HEMK2: variants seen among roughly 807,000 people sequenced by gnomAD.
The protein encoded by HEMK2 is methyltransferase HEMK2.
the HEMK2 span, among the ~76,000 whole-genome samples, chr21:28,858,567 G>A: frequency 6.6e-6 from 1 of 151,942 alleles, no homozygotes; most frequent in African/African-American, 2.4e-5. Context: ...AGGAAAGGAG[G>A]AAGGGAGGGA....
At chr21:28,804,663 GT>G in the HEMK2 span, among the ~76,000 whole-genome samples, 1 of 152,214 alleles carries the variant, frequency 6.6e-6, no homozygotes, top group Non-Finnish European at 1.5e-5. Flanking sequence ...GATCTACCCT[GT>G]GGTAAAGAGA....
the HEMK2 span, among the ~76,000 whole-genome samples, chr21:28,838,236 C>G: frequency 6.6e-6 from 1 of 151,884 alleles, no homozygotes; most frequent in African/African-American, 2.4e-5. Context: ...AGGACATAAC[C>G]AAAAAAGAAA....
the HEMK2 span, among the ~76,000 whole-genome samples, chr21:28,735,609 T>G: frequency 6.6e-6 from 1 of 151,792 alleles, no homozygotes; most frequent in South Asian, 2.1e-4. Context: ...AGGGTCCCAG[T>G]AAATACAAAA....
the HEMK2 span, among the ~76,000 whole-genome samples, chr21:28,612,669 T>C: frequency 1.3e-5 from 2 of 152,120 alleles, no homozygotes; most frequent in Admixed American, 1.3e-4. Context: ...GATGACTGTT[T>C]ACCTACAAAC....
the HEMK2 span, among the ~76,000 whole-genome samples, chr21:28,681,076 A>G: frequency 2.0e-5 from 3 of 152,224 alleles, no homozygotes; most frequent in Non-Finnish European, 4.4e-5. Flanking sequence ...AGAAGGAAAT[A>G]AAGGGCATTC....
the HEMK2 span, among the ~76,000 whole-genome samples, chr21:28,848,326 A>G: frequency 6.6e-6 from 1 of 152,134 alleles, no homozygotes; most frequent in Non-Finnish European, 1.5e-5. Flanking sequence ...CTAACTGTAG[A>G]AAATTCTTAT....
At chr21:28,876,572 A>G in the HEMK2 span, 1 of 790,578 alleles carries the variant, frequency 1.3e-6, no homozygotes, top group Non-Finnish European at 2.0e-6. Flanking sequence ...TAAGTTAAAC[A>G]CAGATGATTT....
At chr21:28,766,524 A>C in the HEMK2 span, among the ~76,000 whole-genome samples, 1 of 152,084 alleles carries the variant, frequency 6.6e-6, no homozygotes, top group African/African-American at 2.4e-5. Flanking sequence ...AAGGAAAAGA[A>C]GACATTATAT....
chr21:28,798,648 G>A, the HEMK2 span, among the ~76,000 whole-genome samples: 3 of 152,096 alleles, frequency 2.0e-5, no homozygotes, highest in Non-Finnish European at 4.4e-5. Flanking sequence ...GCCTGGACAG[G>A]AAAAGAAATG....
At chr21:28,650,424 A>G in the HEMK2 span, among the ~76,000 whole-genome samples, 1 of 152,096 alleles carries the variant, frequency 6.6e-6, no homozygotes, top group African/African-American at 2.4e-5. Flanking sequence ...TCCGTTTAAT[A>G]TTGGAGGCAG....
chr21:28,863,410 T>TTATA, the HEMK2 span, among the ~76,000 whole-genome samples: 5 of 38,980 alleles, frequency 1.3e-4, no homozygotes, highest in Non-Finnish European at 2.1e-4. Flanking sequence ...AAACTCCCTT[T>TTATA]TATATATATA....
At chr21:28,811,413 G>C in the HEMK2 span, among the ~76,000 whole-genome samples, 1 of 134,012 alleles carries the variant, frequency 7.5e-6, no homozygotes, top group African/African-American at 2.7e-5. Flanking sequence ...AGGAAGGAAG[G>C]AAGGAAGGAA....
chr21:28,780,820 C>G, the HEMK2 span, among the ~76,000 whole-genome samples: 2 of 152,092 alleles, frequency 1.3e-5, no homozygotes, highest in African/African-American at 4.8e-5. Flanking sequence ...TTATTTCAAC[C>G]CCCCCTCCTG....
At chr21:28,774,147 A>G in the HEMK2 span, among the ~76,000 whole-genome samples, 1 of 152,168 alleles carries the variant, frequency 6.6e-6, no homozygotes, top group African/African-American at 2.4e-5. Context: ...AAAGAGATTG[A>G]CAAGGTTATC....
At chr21:28,747,391 G>A in the HEMK2 span, among the ~76,000 whole-genome samples, 29,502 of 152,124 alleles carry the variant, frequency 0.19, 3,579 homozygotes, top group African/African-American at 0.34. Flanking sequence ...TCTGAGTCTC[G>A]TGGGATTTAA....
At chr21:28,741,855 G>A in the HEMK2 span, among the ~76,000 whole-genome samples, 34,804 of 152,070 alleles carry the variant, frequency 0.23, 4,628 homozygotes, top group African/African-American at 0.35. Flanking sequence ...TAGTGCTGCA[G>A]TGAACACATG....
At chr21:28,750,700 C>G in the HEMK2 span, among the ~76,000 whole-genome samples, 1 of 80,386 alleles carries the variant, frequency 1.2e-5, no homozygotes, top group Non-Finnish European at 2.5e-5. Flanking sequence ...GGCTCCATCT[C>G]AAAAAAAAAA....
At chr21:28,709,686 C>T in the HEMK2 span, among the ~76,000 whole-genome samples, 3 of 152,128 alleles carry the variant, frequency 2.0e-5, no homozygotes, top group Admixed American at 6.6e-5. Flanking sequence ...GAGCTCCCAC[C>T]TTTGCCAGAC....
chr21:28,587,795 C>T, the HEMK2 span, among the ~76,000 whole-genome samples: 1 of 152,178 alleles, frequency 6.6e-6, no homozygotes, highest in Non-Finnish European at 1.5e-5. Flanking sequence ...AGAAACTCTT[C>T]TAAGCCCAAA....
Sources: allele counts gnomAD v4.1 joint callset (sites outside exome capture counted in the v4.1 genomes callset), GRCh38; gene constraint gnomAD v4.1.1; transcripts MANE v1.5; gene names NCBI Gene and HGNC (gene_info 2026-07-23, HGNC 2026-07-21).